Variants in ABCB11 observed in about 807,000 individuals in gnomAD.
ABCB11 encodes ATP binding cassette subfamily B member 11.
ABCB11 carries 95 observed loss-of-function variants against 148.0 expected under a neutral mutation model. The observed-to-expected ratio is 0.64, with a 90% CI of 0.54 to 0.76. The LOEUF (loss-of-function observed/expected upper bound fraction) is 0.76, where lower values mean the gene tolerates loss of function less well. Ranked by LOEUF, ABCB11 falls within the 30% of genes least tolerant of loss-of-function variation. The pLI, the probability that ABCB11 is intolerant of heterozygous loss-of-function variation, is 0.00. For missense variants in ABCB11, 1,523 were observed against 1,617.8 expected, an observed-to-expected ratio of 0.94 and a Z score of 1.01; for synonymous variants, 591 against 555.4, an observed-to-expected ratio of 1.06 and a Z score of -0.90.
At chr2:168,918,098 C>A (rs1690977211), downstream of ABCB11, among the ~76,000 whole-genome samples, 2 of 152,044 alleles carry the variant, frequency 1.3e-5, no homozygotes, top group Non-Finnish European at 2.9e-5. Context: ...ATTAGTGGCC[C>A]ATATTATATT....
At chr2:169,001,535 C>T (rs2106025077) in intron 5 of ABCB11, among the ~76,000 whole-genome samples, 1 of 152,134 alleles carries the variant, frequency 6.6e-6, no homozygotes, top group South Asian at 2.1e-4. Flanking sequence ...CCATTGACAC[C>T]ATGGGGGTGA....
chr2:168,947,895 A>G (rs1451534797), intron 19 of ABCB11, among the ~76,000 whole-genome samples: 4 of 151,646 alleles, frequency 2.6e-5, no homozygotes, highest in African/African-American at 7.3e-5. Flanking sequence ...GTCACCACCA[A>G]TGACCAAGCA....
At position 168,964,226 on chromosome 2, in the gene ABCB11, T is replaced by A. The variant is rs1171857255; in HGVS notation, c.2158A>T (p.Thr720Ser). Residue 720 changes from threonine (T) to serine (S), a missense_variant, in exon 18 of 28, where the codon ACC becomes TCC. By Grantham distance (58) the Thr-to-Ser change is moderately conservative (BLOSUM62 1). Coordinates refer to ENST00000650372, the MANE Select transcript of ABCB11 (RefSeq NM_003742.4). ...PPLAVVDHKS[T>S]YEEDRKDKDI... ...CTGACCTTTCTATCTTCTTCATAGG[T>A]AGACTTATGATCTACAACAGCTAAT... 6.4e-7 allele frequency: 1 copy of A among 1,560,050 alleles called. No homozygotes were observed. The highest frequency in any genetic ancestry group is 1.9e-5 in the Admixed American group (1 of 52,330).
intron 1 of ABCB11, among the ~76,000 whole-genome samples, chr2:169,029,772 C>T (rs1321918076): frequency 9.9e-6 from 1 of 100,908 alleles, no homozygotes; most frequent in Non-Finnish European, 1.9e-5. Context: ...CTCGCTCTGT[C>T]GCCCAGGCCG....
At chr2:168,976,500 T>A in intron 12 of ABCB11, 77 bp downstream of exon 12, 1 of 829,164 alleles carries the variant, frequency 1.2e-6, no homozygotes, top group Non-Finnish European at 1.8e-6. Context: ...CTTCAGAAAA[T>A]GAGCAATTTG....
At chr2:168,933,569 A>G (rs1398400827) in intron 23 of ABCB11, among the ~76,000 whole-genome samples, 6 of 152,170 alleles carry the variant, frequency 3.9e-5, no homozygotes, top group Non-Finnish European at 7.4e-5. Flanking sequence ...TGTGTGTCAC[A>G]CTGCTCAGTT....
intron 11 of ABCB11, among the ~76,000 whole-genome samples, chr2:168,978,500 T>G (rs1422714854): frequency 6.6e-6 from 1 of 152,044 alleles, no homozygotes; most frequent in Non-Finnish European, 1.5e-5. Flanking sequence ...AAACCCCAAA[T>G]TATAAAACAG....
rs112418241 is a variant in ABCB11 at position 168,983,614 on chromosome 2, T to C, written c.1083+2496A>G. On this transcript the variant is annotated intron_variant, in intron 10 of 27. Transcript: ENST00000650372. ...TGAAAAAGTTGTTCTTTGTGTATTA[T>C]CATGTTCTTAATGAAATAAAGTCCG... Among the ~76,000 whole-genome samples, 951 of 152,330 alleles carry C rather than the reference T, an allele frequency of 6.2e-3. 10 individuals are homozygous for C. The highest frequency in any genetic ancestry group is 0.021 in the African/African-American group (862 of 41,592).
chr2:168,943,684 A>G (rs1022704897), intron 21 of ABCB11, among the ~76,000 whole-genome samples: 2 of 152,026 alleles, frequency 1.3e-5, no homozygotes, highest in African/African-American at 4.8e-5. Context: ...ATTTCCCCCT[A>G]AGTGAAAGGA....
chr2:168,965,474 AT>A, intron 17 of ABCB11, among the ~76,000 whole-genome samples: 1 of 151,852 alleles, frequency 6.6e-6, no homozygotes, highest in African/African-American at 2.4e-5. Context: ...GAGAGAAACT[AT>A]TTTCTAGCTT....
Position 168,944,459 on chromosome 2 carries a change from T to A in ABCB11, c.2610+146A>T, listed in dbSNP as rs890616438. The A allele has an allele frequency of 5.8e-6, 5 of 856,046 alleles. No homozygotes were observed. The African/African-American group carries it at 6.8e-5, about 12-fold the overall frequency. The allele number at this position is 856,046 out of a possible 1,614,324, so 53.0% of individuals were successfully genotyped here. ...GTGCTTTAGCTGCTGTTTGTCAGTG[T>A]TAGAAGCAGTGGAAAATGTGGCTTT... On this transcript the variant is annotated intron_variant, in intron 21 of 27. Coordinates refer to ENST00000650372, the MANE Select transcript of ABCB11 (RefSeq NM_003742.4).
chr2:168,928,544 A>G (rs1691423042), intron 25 of ABCB11, among the ~76,000 whole-genome samples: 1 of 152,236 alleles, frequency 6.6e-6, no homozygotes, highest in African/African-American at 2.4e-5. Context: ...AACAAAATAT[A>G]CTGTGCCTAT....
chr2:168,998,467 G>A (rs1419358699), intron 5 of ABCB11, among the ~76,000 whole-genome samples: 6 of 152,028 alleles, frequency 3.9e-5, no homozygotes, highest in Non-Finnish European at 4.4e-5. Flanking sequence ...TCACCACAAC[G>A]ACATGATAAA....
chr2:168,998,867 G>A (rs1299931706), intron 5 of ABCB11, among the ~76,000 whole-genome samples: 1 of 152,010 alleles, frequency 6.6e-6, no homozygotes, highest in Non-Finnish European at 1.5e-5. Context: ...ATTTTATTCT[G>A]GGAAGAAGAG....
intron 10 of ABCB11, among the ~76,000 whole-genome samples, chr2:168,980,749 G>A (rs1164067957): frequency 6.6e-6 from 1 of 152,062 alleles, no homozygotes; most frequent in Non-Finnish European, 1.5e-5. Context: ...TGCAGACTTG[G>A]GGCAGCTGTT....
chr2:169,000,260 C>T (rs1694830758), intron 5 of ABCB11, among the ~76,000 whole-genome samples: 1 of 152,018 alleles, frequency 6.6e-6, no homozygotes, highest in South Asian at 2.1e-4. Context: ...AGTAGCTTGT[C>T]TTTTCATTCT....
In ABCB11 at chr2:168,969,431, G is replaced by C. The variant is rs1693470841; in HGVS notation, c.1930C>G (p.Leu644Val). Residue 644 changes from leucine to valine, a missense_variant, in exon 16 of 28, where the codon CTG becomes GTG. Physicochemically the swap from Leu to Val is conservative, Grantham distance 32 (BLOSUM62 1). Transcript: ENST00000650372. ...AVERGTHEEL[L>V]ERKGVYFTLV... ...GTGAAGTAAACACCTTTCCTTTCCA[G>C]TAATTCTTCATGGGTCCCTCTTTCC... 6.2e-7 allele frequency: 1 copy of C among 1,612,458 alleles called. No individual in the cohort carries two copies. Among genetic ancestry groups the C allele is most frequent in the African/African-American group, 1.3e-5 (1 of 74,816 alleles).
At position 168,935,192 on chromosome 2, in the gene ABCB11, A is replaced by G. The variant is rs777838984; in HGVS notation, c.3048T>C (p.Tyr1016=). The G allele has an allele frequency of 6.2e-7, 1 of 1,614,018 alleles. No homozygotes were observed. Among genetic ancestry groups the G allele is most frequent in the Admixed American group, 1.7e-5 (1 of 60,020 alleles). ...GGCTAGATATTCCTCACCTGAACAC[A>G]TAGCTGAAATGGAGCCCCTCATTGG... ...LISNEGLHFS[Y]VFRVISAVVL... The change falls in exon 23 of 28, where the codon TAT becomes TAC. Residue 1016 remains tyrosine (Y), a synonymous_variant. Coordinates refer to ENST00000650372, the MANE Select transcript of ABCB11 (RefSeq NM_003742.4).
chr2:168,992,816 A>G (rs1694578858), intron 8 of ABCB11, among the ~76,000 whole-genome samples: 1 of 152,074 alleles, frequency 6.6e-6, no homozygotes. Context: ...ATGTTTGAAT[A>G]ATGTAGACAC....
Sources: allele counts gnomAD v4.1 joint callset (sites outside exome capture counted in the v4.1 genomes callset), GRCh38; gene constraint gnomAD v4.1.1; transcripts MANE v1.5; gene names NCBI Gene and HGNC (gene_info 2026-07-23, HGNC 2026-07-21).